GABRB1: variants seen among roughly 807,000 people sequenced by gnomAD.
GABRB1 encodes the protein gamma-aminobutyric acid type A receptor subunit beta1.
GABRB1 carries 17 observed loss-of-function variants against 51.6 expected under a neutral mutation model. The ratio of observed to expected loss-of-function variants is 0.33; its 90% CI spans 0.23 to 0.49. GABRB1 has a LOEUF of 0.49. GABRB1 is among the 20% of genes least tolerant of loss of function. The pLI is 0.99. For missense variants in GABRB1, 410 were observed against 600.6 expected (o/e 0.68, Z 3.32); for synonymous variants, 247 against 218.9 (o/e 1.13, Z -1.14).
chr4:47,329,906 G>A (rs996328642), intron 5 of GABRB1, among the ~76,000 whole-genome samples: 1 of 151,948 alleles, frequency 6.6e-6, no homozygotes, highest in Non-Finnish European at 1.5e-5. Context: ...ATTGGCTCAC[G>A]CAATTATGGA....
At chr4:47,311,223 G>C (rs59053084) in intron 4 of GABRB1, among the ~76,000 whole-genome samples, 1 of 97,530 alleles carries the variant, frequency 1.0e-5, no homozygotes, top group Non-Finnish European at 2.3e-5. Flanking sequence ...GTAAAAACCC[G>C]TCTCTACTAA....
rs181338733 is a variant in GABRB1, at chr4:47,156,659, T to A, written c.241-4590T>A. Among the ~76,000 whole-genome samples, 209 of 151,708 alleles carry A rather than the reference T, an allele frequency of 1.4e-3. 2 individuals carry two copies. In the East Asian group the frequency reaches 0.026, roughly 19 times the overall value. On this transcript the variant is annotated intron_variant, in intron 3 of 8. Coordinates refer to ENST00000295454, the MANE Select transcript of GABRB1 (RefSeq NM_000812.4). ...TATACCTTTAATCATCTCTAGATTT[T>A]AAAAAAAACATATATATGTTGTTTT...
At chr4:47,330,016 C>T (rs1167781329) in intron 5 of GABRB1, among the ~76,000 whole-genome samples, 1 of 152,032 alleles carries the variant, frequency 6.6e-6, no homozygotes, top group Non-Finnish European at 1.5e-5. Flanking sequence ...GAATTGATAG[C>T]GTAACTCTAG....
intron 4 of GABRB1, among the ~76,000 whole-genome samples, chr4:47,187,648 A>T (rs1719240664): frequency 6.6e-6 from 1 of 151,938 alleles, no homozygotes; most frequent in Non-Finnish European, 1.5e-5. Context: ...GATATAGAGA[A>T]GTTAAACCGT....
intron 3 of GABRB1, among the ~76,000 whole-genome samples, chr4:47,069,611 T>A (rs1230277597): frequency 2.0e-5 from 3 of 152,162 alleles, no homozygotes; most frequent in Admixed American, 2.0e-4. Flanking sequence ...CACCTCTCAG[T>A]GCTACTCCTA....
At chr4:47,420,015 T>G (rs1729046779) in intron 8 of GABRB1, among the ~76,000 whole-genome samples, 1 of 152,174 alleles carries the variant, frequency 6.6e-6, no homozygotes, top group Admixed American at 6.5e-5. Context: ...CACTCTAAAC[T>G]TTAAAAAAGA....
intron 1 of GABRB1, among the ~76,000 whole-genome samples, chr4:47,013,757 C>A (rs1724654255): frequency 6.6e-6 from 1 of 152,032 alleles, no homozygotes; most frequent in Non-Finnish European, 1.5e-5. Context: ...AGGCTATTAT[C>A]TTTTGCAAAA....
chr4:47,273,639 T>C (rs978043841), intron 4 of GABRB1, among the ~76,000 whole-genome samples: 1 of 152,042 alleles, frequency 6.6e-6, no homozygotes. Context: ...GCTGTGGGAT[T>C]AAATAATAAT....
At chr4:47,267,044 A>C (rs547674569) in intron 4 of GABRB1, among the ~76,000 whole-genome samples, 39 of 152,290 alleles carry the variant, frequency 2.6e-4, no homozygotes, top group South Asian at 8.3e-4. Flanking sequence ...CGACAATTCT[A>C]AATATACCTG....
chr4:47,002,004 G>A (rs146060855), intron 1 of GABRB1, among the ~76,000 whole-genome samples: 144 of 152,166 alleles, frequency 9.5e-4, no homozygotes, highest in African/African-American at 3.3e-3. Context: ...AGTTTTTTAC[G>A]ACACAGTAAC....
intron 8 of GABRB1, among the ~76,000 whole-genome samples, chr4:47,421,719 T>C (rs1243018799): frequency 6.6e-6 from 1 of 152,134 alleles, no homozygotes; most frequent in Non-Finnish European, 1.5e-5. Context: ...ACAAGAAGGC[T>C]TCTGTGACCC....
intron 5 of GABRB1, among the ~76,000 whole-genome samples, chr4:47,330,736 A>G (rs1050459589): frequency 2.0e-5 from 3 of 152,208 alleles, no homozygotes; most frequent in Admixed American, 1.3e-4. Context: ...ATTTAGTTAC[A>G]TCACTAATAC....
At chr4:47,386,093 C>A (rs1560362884) in intron 5 of GABRB1, among the ~76,000 whole-genome samples, 1 of 152,144 alleles carries the variant, frequency 6.6e-6, no homozygotes, top group East Asian at 1.9e-4. Flanking sequence ...ATTATTAACT[C>A]AATCTACAGC....
intron 3 of GABRB1, among the ~76,000 whole-genome samples, chr4:47,033,530 T>C (rs1225908763): frequency 6.6e-6 from 1 of 152,168 alleles, no homozygotes; most frequent in African/African-American, 2.4e-5. Context: ...GCGGCAGAAA[T>C]TTATAAATCC....
chr4:47,175,891 T>C (rs10001714), intron 4 of GABRB1, among the ~76,000 whole-genome samples: 1,928 of 152,272 alleles, frequency 0.013, 31 homozygotes, highest in African/African-American at 0.044. Context: ...CTTGTTTAAA[T>C]ATTCAAGGTG....
chr4:47,275,316 G>A (rs565089719), intron 4 of GABRB1, among the ~76,000 whole-genome samples: 1 of 152,266 alleles, frequency 6.6e-6, no homozygotes, highest in Non-Finnish European at 1.5e-5. Context: ...AGGGAGGAGA[G>A]GAAGGGTTAA....
intron 4 of GABRB1, among the ~76,000 whole-genome samples, chr4:47,296,621 G>T (rs1449793460): frequency 6.6e-6 from 1 of 152,166 alleles, no homozygotes; most frequent in Non-Finnish European, 1.5e-5. Context: ...AGTCCTTAGA[G>T]ATGTACAAAG....
At chr4:47,132,425 TG>T (rs745845377) in intron 3 of GABRB1, among the ~76,000 whole-genome samples, 1,478 of 59,786 alleles carry the variant, frequency 0.025, 23 homozygotes, top group Non-Finnish European at 0.028. Context: ...TGGTTTGGTT[TG>T]GTTTGGTTTG....
intron 4 of GABRB1, among the ~76,000 whole-genome samples, chr4:47,254,380 T>G (rs1255285512): frequency 1.5e-5 from 2 of 131,282 alleles, no homozygotes. Flanking sequence ...TTTTTTTTTT[T>G]TTTTTTTTTT....
Sources: gnomAD v4.1 joint callset for allele counts (sites outside exome capture counted in the v4.1 genomes callset) on GRCh38, gnomAD v4.1.1 for gene constraint, MANE v1.5 for transcripts, NCBI Gene and HGNC (gene_info 2026-07-23, HGNC 2026-07-21) for gene names.